The following PLOD2 variants were observed in gnomAD, a reference collection of about 807,000 sequenced individuals.
PLOD2 encodes procollagen-lysine,2-oxoglutarate 5-dioxygenase 2.
In PLOD2, 65 loss-of-function variants were observed where a neutral mutation model predicts 101.0. The observed-to-expected ratio is 0.64, with a 90% CI of 0.53 to 0.79. PLOD2 has a LOEUF of 0.79. Among genes scored for constraint, PLOD2 ranks in the 30% least tolerant of loss-of-function variants. The probability of loss-of-function intolerance (pLI) is 0.00; values close to 1 mark genes in which losing one functional copy is unlikely to be tolerated. For missense variants in PLOD2, 909 were observed against 914.6 expected (o/e 0.99, Z 0.08); for synonymous variants, 314 against 302.9 (o/e 1.04, Z -0.38).
intron 1 of PLOD2, among the ~76,000 whole-genome samples, chr3:146,131,939 AAACCTAAAAAGGATGTGT>A (rs2030936101): frequency 6.6e-6 from 1 of 152,186 alleles, no homozygotes; most frequent in Non-Finnish European, 1.5e-5. Context: ...AAGAAAAAAA[AAACCTAAAAAGGATGTGT>A]CAAGAGACAT....
intron 3 of PLOD2, among the ~76,000 whole-genome samples, chr3:146,119,528 G>T (rs1938086284): frequency 6.6e-6 from 1 of 151,852 alleles, no homozygotes; most frequent in Non-Finnish European, 1.5e-5. Context: ...TGCCATGTTG[G>T]TGTGCTGCAC....
chr3:146,082,126 T>C (rs988253689), intron 11 of PLOD2, among the ~76,000 whole-genome samples: 1 of 152,156 alleles, frequency 6.6e-6, no homozygotes, highest in Non-Finnish European at 1.5e-5. Context: ...AATGAATACA[T>C]AAAAATGACT....
At chr3:146,137,344 A>G (rs763264488) in intron 1 of PLOD2, among the ~76,000 whole-genome samples, 27 of 152,142 alleles carry the variant, frequency 1.8e-4, no homozygotes, top group Non-Finnish European at 3.5e-4. Flanking sequence ...CCCACTGTTT[A>G]AGTGTGATAC....
At position 146,119,458 on chromosome 3, in the gene PLOD2, ATACTT is replaced by A. The variant is rs936013385; in HGVS notation, c.338+1649_338+1653del. On this transcript the variant is annotated intron_variant, in intron 3 of 19. Transcript: ENST00000282903. The stretch of plus-strand genomic sequence containing the variant: ...CTACTTTTGCCTCTTTTTTTTTATT[ATACTT>A]TAAGTTTTAGGGTACATGTGCACAA... Among the ~76,000 whole-genome samples, 122 of 150,696 alleles carry A rather than the reference ATACTT, an allele frequency of 8.1e-4. 1 individual carries two copies. The highest frequency in any genetic ancestry group is 2.8e-3 in the African/African-American group (115 of 40,848).
chr3:146,114,031 T>C (rs965626905), intron 3 of PLOD2, among the ~76,000 whole-genome samples: 2 of 152,042 alleles, frequency 1.3e-5, no homozygotes, highest in African/African-American at 2.4e-5. Flanking sequence ...AGGGATGAAA[T>C]AGCCCCAGTC....
At chr3:146,111,152 T>C (rs1349214) in intron 3 of PLOD2, among the ~76,000 whole-genome samples, 76,559 of 151,986 alleles carry the variant, frequency 0.5, 19,368 homozygotes, top group East Asian at 0.56. Flanking sequence ...CTTAACAAAA[T>C]GTGAAGTATA....
intron 1 of PLOD2, among the ~76,000 whole-genome samples, chr3:146,138,706 T>C (rs940713834): frequency 1.3e-5 from 2 of 152,146 alleles, no homozygotes; most frequent in African/African-American, 2.4e-5. Context: ...GAGGTCATTG[T>C]AAAGATTCTG....
At chr3:146,086,020 G>C (rs1936754130) in intron 10 of PLOD2, 1 of 152,172 alleles carries the variant, frequency 6.6e-6, no homozygotes, top group Non-Finnish European at 1.5e-5. Context: ...TGGACCCAGA[G>C]GATTCTCCAA....
rs551929577 is a variant in PLOD2, at chr3:146,114,108, T to G, written c.339-3660A>C. Among the ~76,000 whole-genome samples the G allele has an allele frequency of 2.4e-3, 359 of 152,296 alleles. 2 individuals carry two copies. The highest frequency in any genetic ancestry group is 8.3e-3 in the African/African-American group (344 of 41,564). On this transcript the variant is annotated intron_variant, in intron 3 of 19. Coordinates refer to ENST00000282903, the MANE Select transcript of PLOD2 (RefSeq NM_182943.3). ...GCCTAGTAAATTTTAGTCAGACCAG[T>G]TGTCTGCTCTCAAACCCTGTCTCCT...
At chr3:146,155,322 T>TATAA (rs112631509) in intron 1 of PLOD2, among the ~76,000 whole-genome samples, 6,026 of 143,758 alleles carry the variant, frequency 0.042, 290 homozygotes, top group African/African-American at 0.12. Flanking sequence ...AGACCCTGTC[T>TATAA]ATAAATAAAT....
At chr3:146,158,591 C>G (rs996309565) in intron 1 of PLOD2, among the ~76,000 whole-genome samples, 3 of 151,930 alleles carry the variant, frequency 2.0e-5, no homozygotes, top group Non-Finnish European at 4.4e-5. Flanking sequence ...CATATTGCCT[C>G]AAATACAAAT....
intron 15 of PLOD2, chr3:146,075,988 T>C (rs1331715152): frequency 6.6e-6 from 1 of 151,750 alleles, no homozygotes; most frequent in Non-Finnish European, 1.5e-5. Context: ...TGCAGGTTTG[T>C]TACAAGTGTA....
intron 1 of PLOD2, among the ~76,000 whole-genome samples, chr3:146,145,436 A>G (rs1275800333): frequency 2.0e-5 from 3 of 152,110 alleles, no homozygotes; most frequent in South Asian, 4.1e-4. Context: ...ATAAATAAAT[A>G]CCATGTGTAG....
chr3:146,122,824 A>G (rs529911923), intron 2 of PLOD2, among the ~76,000 whole-genome samples: 1 of 152,192 alleles, frequency 6.6e-6, no homozygotes, highest in Admixed American at 6.5e-5. Flanking sequence ...TTAACAGCAT[A>G]TCATATATAA....
At position 146,121,177 on chromosome 3, in the gene PLOD2, T is replaced by G. The variant is rs1466505011; in HGVS notation, c.273A>C (p.Arg91Ser). ...INSIGGGQKV[R>S]LMKEVMEHYA... Reference sequence around the variant, plus strand: ...AGTGTTCCATGACTTCTTTCATTAATCTCACTTTCTGGCCCCCTCCAATAC... The same window carrying G: ...AGTGTTCCATGACTTCTTTCATTAAGCTCACTTTCTGGCCCCCTCCAATAC... The change falls in exon 3 of 20, where the codon AGA becomes AGC. Residue 91 changes from arginine to serine, a missense_variant. Physicochemically the swap from Arg to Ser is moderately radical, Grantham distance 110. Transcript: ENST00000282903. 1 of 1,607,572 alleles carries G rather than the reference T, an allele frequency of 6.2e-7. No homozygotes were observed. Among genetic ancestry groups the G allele is most frequent in the Admixed American group, 1.7e-5 (1 of 59,964 alleles).
chr3:146,101,216 T>C (rs976546633), intron 7 of PLOD2, among the ~76,000 whole-genome samples: 5 of 152,024 alleles, frequency 3.3e-5, no homozygotes, highest in African/African-American at 7.3e-5. Context: ...ACCACCAGCA[T>C]TGAGAGAATT....
At chr3:146,158,080 A>G (rs1225961826) in intron 1 of PLOD2, among the ~76,000 whole-genome samples, 1 of 152,218 alleles carries the variant, frequency 6.6e-6, no homozygotes, top group African/African-American at 2.4e-5. Flanking sequence ...AAGGTGCCTC[A>G]GAAAACACAC....
At chr3:146,142,707 C>T (rs969354445) in intron 1 of PLOD2, among the ~76,000 whole-genome samples, 2 of 152,096 alleles carry the variant, frequency 1.3e-5, no homozygotes, top group Non-Finnish European at 2.9e-5. Context: ...TATCCCAGTG[C>T]TTGCCTTTAA....
At chr3:146,112,788 T>C (rs960303116) in intron 3 of PLOD2, among the ~76,000 whole-genome samples, 1 of 149,360 alleles carries the variant, frequency 6.7e-6, no homozygotes, top group African/African-American at 2.5e-5. Flanking sequence ...GAGGTGGAGG[T>C]TGCAGTGAGC....
Sources: gnomAD v4.1 joint callset for allele counts (sites outside exome capture counted in the v4.1 genomes callset) on GRCh38, gnomAD v4.1.1 for gene constraint, MANE v1.5 for transcripts, NCBI Gene and HGNC (gene_info 2026-07-23, HGNC 2026-07-21) for gene names.